CNTLN: variants seen among roughly 807,000 people sequenced by gnomAD.
The protein encoded by CNTLN is centlein.
CNTLN carries 212 observed loss-of-function variants against 180.0 expected under a neutral mutation model. That is an observed-to-expected ratio of 1.18 (90% CI 1.05 to 1.32). CNTLN has a LOEUF of 1.32. Among genes scored for constraint, CNTLN ranks in the 40% most tolerant of loss-of-function variants. The pLI, the probability that CNTLN is intolerant of heterozygous loss-of-function variation, is 0.00. For synonymous variants in CNTLN, 722 were observed against 563.1 expected (o/e 1.28, Z -3.99); for missense variants, 2,095 against 1,610.9 (o/e 1.30, Z -5.14).
intron 13 of CNTLN, among the ~76,000 whole-genome samples, chr9:17,385,161 T>C (rs1321673938): frequency 1.3e-5 from 2 of 152,206 alleles, no homozygotes; most frequent in African/African-American, 4.8e-5. Flanking sequence ...GTTCATGGTA[T>C]GGAGGAAGGA....
At position 17,484,287 on chromosome 9, in the gene CNTLN, T is replaced by C. The variant is rs768514705; in HGVS notation, c.3856-8T>C. 7 of 1,574,664 alleles carry C rather than the reference T, an allele frequency of 4.4e-6. No individual in the cohort carries two copies. In the South Asian group the frequency reaches 7.1e-5, roughly 16 times the overall value. The stretch of plus-strand genomic sequence containing the variant: ...ATATAAGCTCAATTTCTTTCCAATA[T>C]GTTACAGGCTTTGGCCAAAGAGTTG... On this transcript the variant is annotated splice_region_variant and splice_polypyrimidine_tract_variant and intron_variant, in intron 23 of 25. Transcript: ENST00000380647.
At chr9:17,424,438 CCT>C (rs902762431) in intron 18 of CNTLN, among the ~76,000 whole-genome samples, 9 of 151,978 alleles carry the variant, frequency 5.9e-5, no homozygotes, top group Non-Finnish European at 1.2e-4. Context: ...GCTGTGGATA[CCT>C]CTTTCTAGTA....
chr9:17,401,121 A>G (rs1425238583), intron 15 of CNTLN, among the ~76,000 whole-genome samples: 1 of 152,178 alleles, frequency 6.6e-6, no homozygotes, highest in Non-Finnish European at 1.5e-5. Flanking sequence ...TTAGGTTCCT[A>G]GCATTTTATT....
chr9:17,177,610 C>A (rs1820805304), intron 2 of CNTLN, among the ~76,000 whole-genome samples: 1 of 151,964 alleles, frequency 6.6e-6, no homozygotes, highest in Non-Finnish European at 1.5e-5. Flanking sequence ...TTCGTGGTCT[C>A]ACTGGCTCAG....
chr9:17,228,842 G>C (rs955192905), intron 3 of CNTLN, among the ~76,000 whole-genome samples: 1 of 149,076 alleles, frequency 6.7e-6, no homozygotes, highest in Non-Finnish European at 1.5e-5. Context: ...GAGAAACCAG[G>C]AGAACAGTGG....
chr9:17,310,980 T>G (rs962246013), intron 8 of CNTLN, among the ~76,000 whole-genome samples: 8 of 152,276 alleles, frequency 5.3e-5, no homozygotes, highest in African/African-American at 1.9e-4. Flanking sequence ...ACTTGTCTTT[T>G]CTTTTGATTT....
the CNTLN span, among the ~76,000 whole-genome samples, chr9:17,513,662 A>T: frequency 6.6e-6 from 1 of 151,928 alleles, no homozygotes; most frequent in Non-Finnish European, 1.5e-5. Flanking sequence ...GTGCCACCGC[A>T]CTCCACACTC....
chr9:17,521,278 A>AGAGAGAGAGAG, the CNTLN span, among the ~76,000 whole-genome samples: 1 of 150,932 alleles, frequency 6.6e-6, no homozygotes. Context: ...AGAGAGAGAG[A>AGAGAGAGAGAG]GAGAGAGAGA....
chr9:17,345,640 T>G (rs1015197783), intron 12 of CNTLN, among the ~76,000 whole-genome samples: 1 of 152,058 alleles, frequency 6.6e-6, no homozygotes, highest in Non-Finnish European at 1.5e-5. Context: ...CTAGAAACCT[T>G]GTTTTCATTT....
intron 19 of CNTLN, among the ~76,000 whole-genome samples, 175 bp from the exon 20 acceptor site, chr9:17,462,741 A>G (rs1831525069): frequency 6.6e-6 from 1 of 151,526 alleles, no homozygotes; most frequent in South Asian, 2.1e-4. Context: ...TTTTAGTATT[A>G]TTATTTCTAT....
chr9:17,279,115 A>T lies in CNTLN; in HGVS notation c.983+5249A>T, dbSNP rs186038417. ...ATTATTTTTTTTTAAACTACATTTC[A>T]TCTGTAGTTGATTTTGGCACTCTGC... On this transcript the variant is annotated intron_variant, in intron 6 of 25. Transcript: ENST00000380647. Among the ~76,000 whole-genome samples, 140 of 152,170 alleles carry T rather than the reference A, an allele frequency of 9.2e-4. 2 individuals carry two copies. The highest frequency in any genetic ancestry group is 7.1e-4 in the Non-Finnish European group (48 of 67,986).
rs188382610 is a variant in CNTLN at position 17,430,217 on chromosome 9, A to C, written c.3114+14028A>C. Among the ~76,000 whole-genome samples, 13 of 151,882 alleles carry C rather than the reference A, an allele frequency of 8.6e-5. No homozygotes were observed. In the East Asian group the frequency reaches 2.5e-3, roughly 29 times the overall value. On this transcript the variant is annotated intron_variant, in intron 18 of 25. Coordinates refer to ENST00000380647, the MANE Select transcript of CNTLN (RefSeq NM_017738.4). ...ATACATCTCCTAAAATTCTCCCTAG[A>C]CTCTTTCCAAGAATCATATTCCTGT...
chr9:17,388,198 AG>A lies in CNTLN; in HGVS notation c.2025del (p.Arg676GlyfsTer26). Reference sequence around the variant, plus strand: ...AGATCTGGTGAAGATGATGAGGTCAAGAGGAGTACTCCAGAGAAGAATGGAA... The same window carrying A: ...AGATCTGGTGAAGATGATGAGGTCAAAGGAGTACTCCAGAGAAGAATGGAA... Reference protein sequence around the residue: ...LFRSGEDDEVKRSTPEKNGKE... With the variant: ...LFRSGEDDEVXRSTPEKNGKE... On this transcript the variant is annotated frameshift_variant, in exon 14 of 26. Transcript: ENST00000380647. LOFTEE classifies it high-confidence loss of function. 6.2e-7 allele frequency: 1 copy of A among 1,612,586 alleles called. No individual in the cohort carries two copies. The highest frequency in any genetic ancestry group is 1.1e-5 in the South Asian group (1 of 90,962).
intron 25 of CNTLN, among the ~76,000 whole-genome samples, chr9:17,497,395 C>T (rs1019179288): frequency 6.6e-6 from 1 of 152,170 alleles, no homozygotes; most frequent in Non-Finnish European, 1.5e-5. Context: ...ACTTAAATTT[C>T]TCTTCTATCT....
At chr9:17,141,607 T>C (rs1818100669) in intron 1 of CNTLN, among the ~76,000 whole-genome samples, 3 of 152,138 alleles carry the variant, frequency 2.0e-5, no homozygotes, top group African/African-American at 7.2e-5. Context: ...TAATGGAAAC[T>C]CACTGGAGAG....
At position 17,394,837 on chromosome 9, in the gene CNTLN, A is replaced by G. The variant is rs1404344027; in HGVS notation, c.2383A>G (p.Met795Val). The change falls in exon 15 of 26, where the codon ATG (methionine) becomes GTG (valine). Residue 795 changes from methionine (M) to valine (V), a missense_variant. Met to Val is a conservative substitution (Grantham distance 21, BLOSUM62 1). Transcript: ENST00000380647. ...RNENEELINP[M>V]EKSHQSADRA... ...TGAAAATGAAGAGCTGATCAACCCAATGGAGAAATCACACCAGTCAGCAGA... is the reference window on the plus strand; with the variant it reads ...TGAAAATGAAGAGCTGATCAACCCAGTGGAGAAATCACACCAGTCAGCAGA... 4.3e-6 allele frequency: 7 copies of G among 1,613,890 alleles called. No homozygotes were observed. The East Asian group carries it at 6.7e-5, about 15-fold the overall frequency.
chr9:17,160,804 A>C (rs930675809), intron 2 of CNTLN, among the ~76,000 whole-genome samples: 1 of 152,208 alleles, frequency 6.6e-6, no homozygotes, highest in Non-Finnish European at 1.5e-5. Flanking sequence ...CCTAGAGGAT[A>C]CCTCATGTTG....
chr9:17,205,842 A>G (rs1289250413), intron 2 of CNTLN, among the ~76,000 whole-genome samples: 2 of 152,158 alleles, frequency 1.3e-5, no homozygotes, highest in Non-Finnish European at 2.9e-5. Flanking sequence ...CTTTTTCTTG[A>G]CGGACTATTT....
chr9:17,273,923 T>C, intron 6 of CNTLN, 57 bp downstream of exon 6: 1 of 1,291,774 alleles, frequency 7.7e-7, no homozygotes, highest in East Asian at 2.6e-5. Context: ...TTATTCAGAA[T>C]GATACCATTT....
Sources: gnomAD v4.1 joint callset for allele counts (sites outside exome capture counted in the v4.1 genomes callset) on GRCh38, gnomAD v4.1.1 for gene constraint, MANE v1.5 for transcripts, NCBI Gene and HGNC (gene_info 2026-07-23, HGNC 2026-07-21) for gene names.